The following CPNE4 variants were observed in gnomAD, a reference collection of about 807,000 sequenced individuals.
CPNE4 encodes copine 4.
CPNE4 carries 25 observed loss-of-function variants against 67.9 expected under a neutral mutation model. That is an observed-to-expected ratio of 0.37 (90% CI 0.27 to 0.51). The LOEUF (loss-of-function observed/expected upper bound fraction) is 0.51. Ranked by LOEUF, CPNE4 falls within the 20% of genes least tolerant of loss-of-function variation. The probability of loss-of-function intolerance (pLI) is 0.93; values close to 1 mark genes in which losing one functional copy is unlikely to be tolerated. For synonymous variants in CPNE4, 242 were observed against 244.9 expected (o/e 0.99, Z 0.11); for missense variants, 464 against 690.8 (o/e 0.67, Z 3.68).
At chr3:131,919,581 A>C (rs1305090672) in intron 1 of CPNE4, among the ~76,000 whole-genome samples, 2 of 152,210 alleles carry the variant, frequency 1.3e-5, no homozygotes, top group South Asian at 2.1e-4. Flanking sequence ...GGAGTGCAGA[A>C]ATAAACTACA....
At chr3:131,549,330 GA>G (rs1215988106) in intron 14 of CPNE4, among the ~76,000 whole-genome samples, 5 of 151,828 alleles carry the variant, frequency 3.3e-5, no homozygotes, top group Non-Finnish European at 7.4e-5. Flanking sequence ...ACTAAATCTG[GA>G]AAAAATCATA....
At chr3:131,758,582 G>A (rs557764560) in intron 2 of CPNE4, among the ~76,000 whole-genome samples, 1 of 152,282 alleles carries the variant, frequency 6.6e-6, no homozygotes, top group African/African-American at 2.4e-5. Context: ...ATGCTGAAAT[G>A]AGTTAAGATT....
At chr3:132,009,683 T>C (rs545461963) in intron 1 of CPNE4, among the ~76,000 whole-genome samples, 135 of 152,328 alleles carry the variant, frequency 8.9e-4, no homozygotes, top group African/African-American at 3.1e-3. Context: ...GAAGAGCCAG[T>C]GGAAAAAATT....
At chr3:131,942,139 T>C (rs2071405210) in intron 1 of CPNE4, among the ~76,000 whole-genome samples, 1 of 152,082 alleles carries the variant, frequency 6.6e-6, no homozygotes, top group African/African-American at 2.4e-5. Context: ...CTTCCTGGTA[T>C]TCATGGGCAA....
chr3:131,960,413 T>G (rs1448537174), intron 1 of CPNE4, among the ~76,000 whole-genome samples: 2 of 151,986 alleles, frequency 1.3e-5, no homozygotes, highest in Non-Finnish European at 2.9e-5. Flanking sequence ...CTTTATAAAG[T>G]TAATCAGAGA....
rs1043459554 is a variant in CPNE4, at chr3:131,989,933, C to T, written c.-2+44634G>A. Among the ~76,000 whole-genome samples, 4 of 135,822 alleles carry T rather than the reference C, an allele frequency of 2.9e-5. 1 individual carries two copies. The highest frequency in any genetic ancestry group is 6.7e-5 in the Non-Finnish European group (4 of 59,944). The allele number at this position is 135,822 out of a possible 152,430, so 89.1% of individuals were successfully genotyped here. On this transcript the variant is annotated intron_variant, in intron 1 of 15. Transcript: ENST00000429747. The stretch of plus-strand genomic sequence containing the variant: ...AAGAGGCTTAAATGTAACGCATGGG[C>T]TCTGGGAAGCCATTGAAGGAAAGGC...
intron 6 of CPNE4, among the ~76,000 whole-genome samples, chr3:131,682,516 C>T (rs1048325991): frequency 6.6e-6 from 1 of 152,104 alleles, no homozygotes; most frequent in Non-Finnish European, 1.5e-5. Context: ...TAATGAGCTG[C>T]CTGGAGTTAA....
At position 131,750,012 on chromosome 3, in the gene CPNE4, A is replaced by G. The variant is rs6781498; in HGVS notation, c.181-26387T>C. ...TGGGAGGCATCACATGCTGAGACAG[A>G]GCAACTATACTAGCTTAGGTCTCTC... On this transcript the variant is annotated intron_variant, in intron 2 of 15. Coordinates refer to ENST00000429747, the MANE Select transcript of CPNE4 (RefSeq NM_130808.3). 8.5e-5 allele frequency among the ~76,000 whole-genome samples: 13 copies of G among 152,076 alleles called. No homozygotes were observed. In the East Asian group the frequency reaches 2.3e-3, roughly 27 times the overall value.
chr3:131,947,227 C>CT (rs71710373), intron 1 of CPNE4, among the ~76,000 whole-genome samples: 1 of 152,008 alleles, frequency 6.6e-6, no homozygotes, highest in Non-Finnish European at 1.5e-5. Flanking sequence ...TTGTTTTCCC[C>CT]TTTTTTTATT....
At chr3:131,575,003 A>C in intron 10 of CPNE4, 68 bp downstream of exon 10, 1 of 1,357,878 alleles carries the variant, frequency 7.4e-7, no homozygotes, top group Non-Finnish European at 1.1e-6. Context: ...TATCCCCCAA[A>C]CCCAGTGCCA....
intron 8 of CPNE4, among the ~76,000 whole-genome samples, chr3:131,582,032 A>G (rs1487429793): frequency 6.6e-6 from 1 of 152,224 alleles, no homozygotes; most frequent in Non-Finnish European, 1.5e-5. Context: ...GGCCTGGCAC[A>G]TGTCAATGCT....
At chr3:131,544,536 A>C (rs1475518377) in intron 14 of CPNE4, among the ~76,000 whole-genome samples, 1 of 152,186 alleles carries the variant, frequency 6.6e-6, no homozygotes, top group African/African-American at 2.4e-5. Context: ...TTTCAGATTC[A>C]TTCAAGTTGT....
chr3:131,796,157 T>A (rs902942827), intron 2 of CPNE4, among the ~76,000 whole-genome samples: 14 of 152,290 alleles, frequency 9.2e-5, no homozygotes, highest in African/African-American at 2.9e-4. Context: ...ACAGAGTTTT[T>A]TTTTTTTGTA....
chr3:131,605,436 A>C (rs1208863034), intron 7 of CPNE4, among the ~76,000 whole-genome samples: 1 of 152,036 alleles, frequency 6.6e-6, no homozygotes, highest in African/African-American at 2.4e-5. Flanking sequence ...CCCATCTTAT[A>C]ATCTATGTAT....
At chr3:131,540,720 G>A (rs1004092270) in intron 15 of CPNE4, among the ~76,000 whole-genome samples, 5 of 152,208 alleles carry the variant, frequency 3.3e-5, no homozygotes, top group African/African-American at 1.2e-4. Flanking sequence ...TTTTTGACTG[G>A]AGGAGAAAGG....
At chr3:131,911,511 A>C (rs1050364653) in intron 1 of CPNE4, among the ~76,000 whole-genome samples, 2 of 150,458 alleles carry the variant, frequency 1.3e-5, no homozygotes, top group African/African-American at 5.0e-5. Flanking sequence ...ATAATTATTA[A>C]TAATACAAAC....
In CPNE4 at chr3:131,996,023, C is replaced by T. The variant is rs888230650; in HGVS notation, c.-2+38544G>A. ...TGAATTTAGAAGTGTCATTCCTGTGCAATATCTGACATTCACTAGCACAAT... is the reference window on the plus strand; with the variant it reads ...TGAATTTAGAAGTGTCATTCCTGTGTAATATCTGACATTCACTAGCACAAT... On this transcript the variant is annotated intron_variant, in intron 1 of 15. Coordinates refer to ENST00000429747, the MANE Select transcript of CPNE4 (RefSeq NM_130808.3). Among the ~76,000 whole-genome samples, 7 of 152,256 alleles carry T rather than the reference C, an allele frequency of 4.6e-5. No individual in the cohort carries two copies. The East Asian group carries it at 1.4e-3, about 29-fold the overall frequency.
Position 131,808,774 on chromosome 3 carries a change from A to C in CPNE4, c.181-85149T>G, listed in dbSNP as rs146789843. 2.9e-3 allele frequency among the ~76,000 whole-genome samples: 441 copies of C among 152,328 alleles called. 3 individuals carry two copies. The highest frequency in any genetic ancestry group is 0.01 in the African/African-American group (416 of 41,588). On this transcript the variant is annotated intron_variant, in intron 2 of 15. Coordinates refer to ENST00000429747, the MANE Select transcript of CPNE4 (RefSeq NM_130808.3). The stretch of plus-strand genomic sequence containing the variant: ...TAGAATATAGAAAAAGAAATGTGGC[A>C]ATTTGCCAGTTTTCATTATAAAATG...
chr3:131,653,797 T>C (rs1236853876), intron 7 of CPNE4, among the ~76,000 whole-genome samples: 1 of 152,242 alleles, frequency 6.6e-6, no homozygotes, highest in African/African-American at 2.4e-5. Context: ...AAGCCTACTC[T>C]GAAGCCTGTA....
Sources: gnomAD v4.1 joint callset for allele counts (sites outside exome capture counted in the v4.1 genomes callset) on GRCh38, gnomAD v4.1.1 for gene constraint, MANE v1.5 for transcripts, NCBI Gene and HGNC (gene_info 2026-07-23, HGNC 2026-07-21) for gene names.